The following DISP1 variants were observed in gnomAD, a reference collection of about 807,000 sequenced individuals.
The protein encoded by DISP1 is dispatched RND transporter family member 1, also known as protein dispatched homolog 1.
A neutral mutation model predicts 37.3 loss-of-function variants in DISP1; 30 were observed. The ratio of observed to expected loss-of-function variants is 0.80; its 90% CI spans 0.60 to 1.09. The LOEUF is 1.09. Ranked by LOEUF, DISP1 falls within the 50% of genes least tolerant of loss-of-function variation. The probability of loss-of-function intolerance (pLI) is 0.00; values close to 1 mark genes in which losing one functional copy is unlikely to be tolerated. For missense variants in DISP1, 1,598 were observed against 1,879.5 expected (o/e 0.85, Z 2.77); for synonymous variants, 634 against 690.2 (o/e 0.92, Z 1.28).
At chr1:222,948,775 G>T (rs1384108018) in intron 3 of DISP1, among the ~76,000 whole-genome samples, 1 of 152,114 alleles carries the variant, frequency 6.6e-6, no homozygotes, top group Non-Finnish European at 1.5e-5. Flanking sequence ...AAATTGTATG[G>T]TGATGGAAGA....
intron 2 of DISP1, among the ~76,000 whole-genome samples, chr1:222,929,207 C>A (rs1008438170): frequency 6.6e-6 from 1 of 151,836 alleles, no homozygotes; most frequent in African/African-American, 2.4e-5. Context: ...ATGGTAACTA[C>A]AATAGTGACT....
intron 3 of DISP1, among the ~76,000 whole-genome samples, chr1:222,959,423 G>A (rs928498567): frequency 6.6e-6 from 1 of 152,026 alleles, no homozygotes; most frequent in African/African-American, 2.4e-5. Context: ...ACTGTTGGCT[G>A]GGCACGGTGG....
intron 3 of DISP1, among the ~76,000 whole-genome samples, chr1:222,974,030 T>A (rs531216079): frequency 2.4e-4 from 37 of 152,342 alleles, no homozygotes; most frequent in African/African-American, 8.4e-4. Context: ...TGTTATGTCA[T>A]ATTCAGCTAG....
At chr1:222,991,736 A>C in intron 6 of DISP1, 89 bp downstream of exon 6, 4 of 1,403,058 alleles carry the variant, frequency 2.9e-6, no homozygotes, top group Non-Finnish European at 3.9e-6. Context: ...AAAAATTTAA[A>C]TGTAAAATGT....
At chr1:222,845,077 T>C (rs1322758352) in intron 1 of DISP1, among the ~76,000 whole-genome samples, 9 of 152,180 alleles carry the variant, frequency 5.9e-5, no homozygotes, top group Admixed American at 1.3e-4. Flanking sequence ...TTTTGTGATG[T>C]AGTGCTAAAA....
At chr1:222,947,292 A>G (rs1674865446) in intron 3 of DISP1, among the ~76,000 whole-genome samples, 1 of 151,756 alleles carries the variant, frequency 6.6e-6, no homozygotes, top group African/African-American at 2.4e-5. Flanking sequence ...GGCTTATTTC[A>G]CTCCACATAA....
chr1:222,907,255 C>T (rs887192093), intron 1 of DISP1, among the ~76,000 whole-genome samples: 26 of 152,212 alleles, frequency 1.7e-4, no homozygotes, highest in African/African-American at 5.8e-4. Flanking sequence ...AAACTCAGTT[C>T]GCTTTAGTAT....
chr1:222,879,333 A>T (rs868276019), intron 1 of DISP1, among the ~76,000 whole-genome samples: 1 of 152,282 alleles, frequency 6.6e-6, no homozygotes, highest in Middle Eastern at 3.4e-3. Flanking sequence ...ATACCTATTT[A>T]TCACTCTTGG....
chr1:222,973,422 A>G (rs1014587176), intron 3 of DISP1, among the ~76,000 whole-genome samples: 5 of 152,156 alleles, frequency 3.3e-5, no homozygotes, highest in African/African-American at 1.2e-4. Context: ...TTTCATATGA[A>G]TACAGTATGA....
chr1:222,977,299 G>T (rs1677420284), intron 3 of DISP1, among the ~76,000 whole-genome samples: 1 of 148,332 alleles, frequency 6.7e-6, no homozygotes, highest in African/African-American at 2.5e-5. Context: ...CTCCCAAAGT[G>T]CTGGGATTAC....
chr1:222,971,304 G>A (rs1309953593), intron 3 of DISP1, among the ~76,000 whole-genome samples: 1 of 6,818 alleles, frequency 1.5e-4, no homozygotes, highest in Non-Finnish European at 6.8e-3. Flanking sequence ...TCTCCTCCTG[G>A]CCTGTAAATG....
intron 1 of DISP1, among the ~76,000 whole-genome samples, chr1:222,921,278 C>G (rs1445636223): frequency 6.6e-6 from 1 of 152,100 alleles, no homozygotes; most frequent in Non-Finnish European, 1.5e-5. Flanking sequence ...CACTGCATTC[C>G]AGCTTGGGCT....
chr1:222,958,016 G>A (rs1357782975), intron 3 of DISP1, among the ~76,000 whole-genome samples: 1 of 152,206 alleles, frequency 6.6e-6, no homozygotes, highest in Non-Finnish European at 1.5e-5. Context: ...GTAACATCAC[G>A]TAGAAATGCC....
At chr1:222,957,064 T>G (rs1417031823) in intron 3 of DISP1, among the ~76,000 whole-genome samples, 1 of 151,168 alleles carries the variant, frequency 6.6e-6, no homozygotes, top group Non-Finnish European at 1.5e-5. Context: ...CAAAGCTTTT[T>G]CAATCATTTA....
At chr1:222,853,475 A>G (rs1056612528) in intron 1 of DISP1, among the ~76,000 whole-genome samples, 1 of 152,176 alleles carries the variant, frequency 6.6e-6, no homozygotes, top group Non-Finnish European at 1.5e-5. Context: ...ACAATAGCCA[A>G]AATATGGAAT....
chr1:222,999,354 T>C (rs1422430969), intron 8 of DISP1, among the ~76,000 whole-genome samples: 4 of 152,216 alleles, frequency 2.6e-5, no homozygotes, highest in Non-Finnish European at 5.9e-5. Context: ...ATTATTCCTA[T>C]GAATCCCTCT....
intron 3 of DISP1, among the ~76,000 whole-genome samples, chr1:222,974,810 G>A (rs1350991273): frequency 6.6e-6 from 1 of 152,156 alleles, no homozygotes; most frequent in Non-Finnish European, 1.5e-5. Flanking sequence ...TGCCAGTGAT[G>A]TTTCATGGAA....
At chr1:222,987,808 A>G (rs941902764) in intron 4 of DISP1, among the ~76,000 whole-genome samples, 2 of 152,198 alleles carry the variant, frequency 1.3e-5, no homozygotes, top group African/African-American at 4.8e-5. Context: ...ATAAAGTGTA[A>G]TGAATAATTG....
chr1:222,970,220 C>G (rs936167355), intron 3 of DISP1, among the ~76,000 whole-genome samples: 12 of 149,564 alleles, frequency 8.0e-5, no homozygotes, highest in African/African-American at 2.9e-4. Flanking sequence ...GTGTGACATG[C>G]ACCAGCACGG....
Sources: gnomAD v4.1 joint callset for allele counts (sites outside exome capture counted in the v4.1 genomes callset) on GRCh38, gnomAD v4.1.1 for gene constraint, MANE v1.5 for transcripts, NCBI Gene and HGNC (gene_info 2026-07-23, HGNC 2026-07-21) for gene names.